Variants in CLEC16A observed in about 807,000 individuals in gnomAD.
The protein encoded by CLEC16A is protein CLEC16A.
A neutral mutation model predicts 109.5 loss-of-function variants in CLEC16A; 51 were observed. The observed-to-expected ratio is 0.47, with a 90% CI of 0.37 to 0.59. The LOEUF (loss-of-function observed/expected upper bound fraction) is 0.59. CLEC16A is among the 20% of genes least tolerant of loss of function. The pLI is 0.00. For missense variants in CLEC16A, 1,339 were observed against 1,394.0 expected, an observed-to-expected ratio of 0.96 and a Z score of 0.63; for synonymous variants, 673 against 564.2, an observed-to-expected ratio of 1.19 and a Z score of -2.73.
chr16:10,957,777 C>G lies in CLEC16A; in HGVS notation c.81-5C>G, dbSNP rs746632533. ...TTTAATTTCCTTTTCTCTCATTTCT[C>G]TCAGGTATCTGTACCACGTTTTGAC... is the stretch of plus-strand genomic sequence containing the variant. On this transcript the variant is annotated splice_polypyrimidine_tract_variant and splice_region_variant and intron_variant, in intron 1 of 23. Transcript: ENST00000409790. The G allele has an allele frequency of 1.2e-6, 2 of 1,613,702 alleles. No individual in the cohort carries two copies. The highest frequency in any genetic ancestry group is 2.2e-5 in the South Asian group (2 of 91,076).
chr16:11,058,036 T>C (rs937105442), intron 18 of CLEC16A, among the ~76,000 whole-genome samples: 2 of 152,230 alleles, frequency 1.3e-5, no homozygotes, highest in African/African-American at 4.8e-5. Context: ...TATGCTCATA[T>C]TTTAGCTTTC....
chr16:11,084,750 G>C (rs1426285441), intron 19 of CLEC16A, among the ~76,000 whole-genome samples: 4 of 152,214 alleles, frequency 2.6e-5, no homozygotes, highest in Non-Finnish European at 2.9e-5. Flanking sequence ...AGAATATCTA[G>C]TAAATCATTC....
intron 19 of CLEC16A, among the ~76,000 whole-genome samples, chr16:11,078,533 C>G (rs933340781): frequency 1.3e-5 from 2 of 152,176 alleles, no homozygotes; most frequent in Non-Finnish European, 2.9e-5. Context: ...CTCTAAGTTC[C>G]AAAGTCAGTT....
chr16:11,050,178 C>G (rs557728326), intron 17 of CLEC16A, among the ~76,000 whole-genome samples: 18 of 152,232 alleles, frequency 1.2e-4, no homozygotes, highest in Non-Finnish European at 1.8e-4. Context: ...GGGAACAGAA[C>G]TCACTCTTAT....
intron 16 of CLEC16A, among the ~76,000 whole-genome samples, chr16:11,044,568 T>C (rs1019712277): frequency 6.6e-6 from 1 of 152,212 alleles, no homozygotes; most frequent in Non-Finnish European, 1.5e-5. Flanking sequence ...TTTTGTAAAG[T>C]GCCACCATGA....
chr16:11,007,094 C>T lies in CLEC16A; in HGVS notation c.1303+3789C>T, dbSNP rs192352875. On this transcript the variant is annotated intron_variant, in intron 11 of 23. Transcript: ENST00000409790. The stretch of plus-strand genomic sequence containing the variant: ...TTACTTAGAGCAGTAACTTAATAAG[C>T]ATATCCTAGGGACTGAATCCTTCAA... Among the ~76,000 whole-genome samples, 212 of 152,250 alleles carry T rather than the reference C, an allele frequency of 1.4e-3. 1 individual carries two copies. Among genetic ancestry groups the T allele is most frequent in the Middle Eastern group, 6.8e-3 (2 of 294 alleles).
At chr16:11,118,219 G>A (rs2052147644) in intron 19 of CLEC16A, among the ~76,000 whole-genome samples, 1 of 152,128 alleles carries the variant, frequency 6.6e-6, no homozygotes, top group Admixed American at 6.6e-5. Context: ...CTCCCAAACT[G>A]TTGGGATTAC....
intron 8 of CLEC16A, 26 bp downstream of exon 8, chr16:10,977,425 TGGCTGAA>T (rs1422453106): frequency 6.2e-7 from 1 of 1,601,932 alleles, no homozygotes; most frequent in East Asian, 2.2e-5. Context: ...TGGCTCCCGC[TGGCTGAA>T]GGCCATCAGA....
intron 19 of CLEC16A, among the ~76,000 whole-genome samples, chr16:11,097,231 G>T (rs2050658206): frequency 6.6e-6 from 1 of 152,186 alleles, no homozygotes; most frequent in South Asian, 2.1e-4. Context: ...CAGGAAGGCT[G>T]TCCCAGTGTG....
At chr16:11,166,761 C>T (rs2068281705) in intron 23 of CLEC16A, among the ~76,000 whole-genome samples, 1 of 152,192 alleles carries the variant, frequency 6.6e-6, no homozygotes, top group East Asian at 1.9e-4. Flanking sequence ...GGAAGAATTG[C>T]TCCTTTTTCA....
At chr16:11,038,345 A>G (rs576273002) in intron 13 of CLEC16A, among the ~76,000 whole-genome samples, 49 of 152,304 alleles carry the variant, frequency 3.2e-4, no homozygotes, top group Non-Finnish European at 5.9e-4. Flanking sequence ...TTGTAGAGTA[A>G]CAGGAAAAGA....
At chr16:10,991,224 A>G (rs899087708) in intron 10 of CLEC16A, among the ~76,000 whole-genome samples, 1 of 152,042 alleles carries the variant, frequency 6.6e-6, no homozygotes, top group Non-Finnish European at 1.5e-5. Flanking sequence ...AGTTCTCAGT[A>G]AGGTGGCTGG....
At chr16:11,003,845 T>C (rs2044820196) in intron 11 of CLEC16A, among the ~76,000 whole-genome samples, 1 of 151,998 alleles carries the variant, frequency 6.6e-6, no homozygotes, top group African/African-American at 2.4e-5. Flanking sequence ...TGAAATGATA[T>C]GCTTGTAGGC....
intron 18 of CLEC16A, among the ~76,000 whole-genome samples, chr16:11,058,007 G>T (rs2048296252): frequency 6.7e-6 from 1 of 149,552 alleles, no homozygotes. Context: ...GGGTGTGGTG[G>T]GGTGAATTTT....
chr16:11,173,485 C>T (rs1437443959), intron 23 of CLEC16A, among the ~76,000 whole-genome samples: 1 of 83,228 alleles, frequency 1.2e-5, no homozygotes, highest in Admixed American at 1.4e-4. Context: ...TGCTGTGGTT[C>T]AGTCTTGATT....
intron 19 of CLEC16A, among the ~76,000 whole-genome samples, chr16:11,098,480 T>TG (rs1297900192): frequency 3.3e-5 from 5 of 152,216 alleles, no homozygotes; most frequent in African/African-American, 9.7e-5. Flanking sequence ...TAAGGAGACG[T>TG]GGGGTCCCAG....
At chr16:10,981,751 C>G (rs2043332811) in intron 9 of CLEC16A, among the ~76,000 whole-genome samples, 1 of 152,252 alleles carries the variant, frequency 6.6e-6, no homozygotes, top group African/African-American at 2.4e-5. Context: ...CTCCTGACTT[C>G]TATCCCCAGA....
chr16:11,158,107 G>A (rs1489356395), intron 22 of CLEC16A, among the ~76,000 whole-genome samples: 1 of 152,176 alleles, frequency 6.6e-6, no homozygotes, highest in Non-Finnish European at 1.5e-5. Context: ...ATCCAAGGAA[G>A]GAGCCGACAA....
chr16:11,161,886 G>T (rs1275960142), intron 22 of CLEC16A, among the ~76,000 whole-genome samples: 1 of 152,208 alleles, frequency 6.6e-6, no homozygotes, highest in African/African-American at 2.4e-5. Flanking sequence ...TCGTGTGCAA[G>T]CCCCTAGGCG....
Sources: gnomAD v4.1 joint callset for allele counts (sites outside exome capture counted in the v4.1 genomes callset) on GRCh38, gnomAD v4.1.1 for gene constraint, MANE v1.5 for transcripts, NCBI Gene and HGNC (gene_info 2026-07-23, HGNC 2026-07-21) for gene names.